Variants in KDSR observed in about 807,000 individuals in gnomAD.
KDSR encodes 3-ketodihydrosphingosine reductase.
In KDSR, 23 loss-of-function variants were observed where a neutral mutation model predicts 41.3. The ratio of observed to expected loss-of-function variants is 0.56; its 90% CI spans 0.40 to 0.79. KDSR has a LOEUF of 0.79. KDSR is among the 30% of genes least tolerant of loss of function. KDSR has a pLI of 0.00. For missense variants in KDSR, 351 were observed against 416.8 expected (o/e 0.84, Z 1.37); for synonymous variants, 138 against 151.7 (o/e 0.91, Z 0.66).
chr18:63,358,021 C>T (rs2144374916), intron 3 of KDSR, among the ~76,000 whole-genome samples: 1 of 152,062 alleles, frequency 6.6e-6, no homozygotes, highest in African/African-American at 2.4e-5. Context: ...ACTAAAAATA[C>T]AAAAATTAGC....
intron 7 of KDSR, among the ~76,000 whole-genome samples, chr18:63,343,820 G>A (rs544059581): frequency 1.3e-5 from 2 of 152,128 alleles, no homozygotes; most frequent in East Asian, 3.9e-4. Flanking sequence ...TTGGGAATGG[G>A]AGAGATGAGG....
intron 7 of KDSR, among the ~76,000 whole-genome samples, chr18:63,342,167 A>T (rs2849373): frequency 0.62 from 85,990 of 139,346 alleles, 27,580 homozygotes; most frequent in Admixed American, 0.71. Flanking sequence ...AGACTCTATC[A>T]CAAAAAAAAA....
Position 63,359,922 on chromosome 18 carries a change from C to T in KDSR, c.199-130G>A, listed in dbSNP as rs545589669. 7 of 693,440 alleles carry T rather than the reference C, an allele frequency of 1.0e-5. No homozygotes were observed. The African/African-American group carries it at 1.2e-4, about 12-fold the overall frequency. The allele number at this position is 693,440 out of a possible 1,614,324, so 43.0% of individuals were successfully genotyped here. On this transcript the variant is annotated intron_variant, in intron 2 of 9. Transcript: ENST00000645214. Reference sequence around the variant, plus strand: ...TTCCAGAAAACACACAAAACAGTATCTACATTGCATAGACAGACTGGGCCA... The same window carrying T: ...TTCCAGAAAACACACAAAACAGTATTTACATTGCATAGACAGACTGGGCCA...
chr18:63,351,143 G>C, intron 5 of KDSR, 64 bp from the exon 6 acceptor site: 1 of 1,366,418 alleles, frequency 7.3e-7, no homozygotes, highest in Non-Finnish European at 9.9e-7. Flanking sequence ...GGAGAATTTA[G>C]TCTGCTTTCT....
In KDSR at chr18:63,329,938, G is replaced by C. The variant is rs79241274; in HGVS notation, c.*1844C>G. ...CAACTCGATATAATCTGCAAACTTT[G>C]GCTCTGTAAGACTGAAAGATTTATG... On this transcript the variant is annotated 3_prime_UTR_variant, in exon 10 of 10. Transcript: ENST00000645214. The C allele has an allele frequency of 3.7e-5, 7 of 190,908 alleles. No individual in the cohort carries two copies. Among genetic ancestry groups the C allele is most frequent in the Admixed American group, 3.1e-4 (5 of 16,292 alleles). 11.8% of individuals were successfully genotyped at this position (190,908 alleles called of 1,614,324 possible). A position where few individuals can be genotyped will look rare whatever the true frequency, so the allele number is the denominator to read the frequency against.
intron 8 of KDSR, among the ~76,000 whole-genome samples, chr18:63,337,286 T>G (rs1380519428): frequency 6.6e-6 from 1 of 151,928 alleles, no homozygotes; most frequent in East Asian, 1.9e-4. Context: ...CGACTAATTT[T>G]TGTATTTTTA....
chr18:63,344,619 G>A (rs1429224098), intron 6 of KDSR, 126 bp from the exon 7 acceptor site: 13 of 629,452 alleles, frequency 2.1e-5, no homozygotes, highest in African/African-American at 5.5e-5. Flanking sequence ...TCTGTTAGGC[G>A]GGGAACTACA....
At chr18:63,356,724 A>G (rs1170707336) in intron 3 of KDSR, among the ~76,000 whole-genome samples, 1 of 152,232 alleles carries the variant, frequency 6.6e-6, no homozygotes, top group African/African-American at 2.4e-5. Context: ...CAGTGTTGGC[A>G]GCAGGCAAGA....
intron 3 of KDSR, 37 bp downstream of exon 3, chr18:63,359,699 G>A: frequency 7.4e-7 from 1 of 1,354,772 alleles, no homozygotes; most frequent in Admixed American, 1.7e-5. Flanking sequence ...GCTGTGCTGA[G>A]TTATACAGAA....
chr18:63,362,032 C>A (rs1915002702), intron 2 of KDSR, among the ~76,000 whole-genome samples: 1 of 152,182 alleles, frequency 6.6e-6, no homozygotes, highest in Non-Finnish European at 1.5e-5. Context: ...CCCAGGCACT[C>A]CATCATTCCT....
At position 63,343,437 on chromosome 18, in the gene KDSR, G is replaced by A. The variant is rs1426707272; in HGVS notation, c.693+973C>T. On this transcript the variant is annotated intron_variant, in intron 7 of 9. Coordinates refer to ENST00000645214, the MANE Select transcript of KDSR (RefSeq NM_002035.4). ...TGGTTCTCGCTCTGTCACCCAGGTC[G>A]AAATGCAGTACTACAATCATGGCTC... is the stretch of plus-strand genomic sequence containing the variant. 6.8e-5 allele frequency among the ~76,000 whole-genome samples: 10 copies of A among 148,076 alleles called. No homozygotes were observed. The East Asian group carries it at 1.4e-3, about 21-fold the overall frequency.
At chr18:63,337,468 A>G (rs1398555076) in intron 8 of KDSR, among the ~76,000 whole-genome samples, 1 of 152,188 alleles carries the variant, frequency 6.6e-6, no homozygotes, top group African/African-American at 2.4e-5. Context: ...TTCCATTTCA[A>G]ATATGGCAAA....
chr18:63,342,767 G>A (rs1599326259), intron 7 of KDSR, among the ~76,000 whole-genome samples: 4 of 152,222 alleles, frequency 2.6e-5, no homozygotes, highest in Non-Finnish European at 4.4e-5. Flanking sequence ...CGCAATCTTG[G>A]CTCACTGCAG....
At chr18:63,350,023 A>C (rs556073503) in intron 6 of KDSR, among the ~76,000 whole-genome samples, 3 of 152,258 alleles carry the variant, frequency 2.0e-5, no homozygotes, top group Non-Finnish European at 4.4e-5. Flanking sequence ...GGTTGGCCAC[A>C]GTGAATACTC....
intron 2 of KDSR, among the ~76,000 whole-genome samples, chr18:63,362,117 G>A (rs539067415): frequency 1.1e-4 from 17 of 152,302 alleles, no homozygotes; most frequent in African/African-American, 2.2e-4. Context: ...TGCAGCGGAC[G>A]AGCCAGCTGT....
In KDSR at chr18:63,331,870, G is replaced by A; in HGVS notation, c.911C>T (p.Ala304Val). The change falls in exon 10 of 10, where the codon GCT (alanine) becomes GTT (valine). Residue 304 changes from alanine (A) to valine (V), a missense_variant. Ala to Val is a moderately conservative substitution (Grantham distance 64). Transcript: ENST00000645214. ...GTCAAAACTTCCAAGGTAAAACAAA[G>A]CAATAGTGCGGAAAAGGCCCATGGT... ...VVTMGLFRTI[A>V]LFYLGSFDSI... The A allele has an allele frequency of 6.2e-7, 1 of 1,613,916 alleles. No homozygotes were observed. The highest frequency in any genetic ancestry group is 8.5e-7 in the Non-Finnish European group (1 of 1,179,864).
Position 63,330,038 on chromosome 18 carries a change from A to C in KDSR, c.*1744T>G, listed in dbSNP as rs2144341415. On this transcript the variant is annotated 3_prime_UTR_variant, in exon 10 of 10. Coordinates refer to ENST00000645214, the MANE Select transcript of KDSR (RefSeq NM_002035.4). ...CAAGCAATTTATATATTAAATAATA[A>C]TTTCTTCTGTATCTATCAGTGTTTA... 1 of 184,496 alleles carries C rather than the reference A, an allele frequency of 5.4e-6. No individual in the cohort carries two copies. The highest frequency in any genetic ancestry group is 1.2e-5 in the Non-Finnish European group (1 of 86,888). 11.4% of individuals were successfully genotyped at this position (184,496 alleles called of 1,614,324 possible).
intron 6 of KDSR, among the ~76,000 whole-genome samples, chr18:63,347,982 A>C (rs1282083719): frequency 6.6e-6 from 1 of 152,136 alleles, no homozygotes; most frequent in Non-Finnish European, 1.5e-5. Flanking sequence ...TAAACCAAAG[A>C]ATTGTCAAAA....
chr18:63,339,742 C>A (rs547892038), intron 7 of KDSR, among the ~76,000 whole-genome samples: 1 of 152,244 alleles, frequency 6.6e-6, no homozygotes, highest in African/African-American at 2.4e-5. Flanking sequence ...TTATCTTTGG[C>A]TTTTCTTTGC....
Sources: allele counts gnomAD v4.1 joint callset (sites outside exome capture counted in the v4.1 genomes callset), GRCh38; gene constraint gnomAD v4.1.1; transcripts MANE v1.5; gene names NCBI Gene and HGNC (gene_info 2026-07-23, HGNC 2026-07-21).